Variants in NUP155 observed in about 807,000 individuals in gnomAD.
The protein encoded by NUP155 is nucleoporin 155.
NUP155 carries 71 observed loss-of-function variants against 180.4 expected under a neutral mutation model. The observed-to-expected ratio is 0.39, with a 90% CI of 0.33 to 0.48. The LOEUF (loss-of-function observed/expected upper bound fraction) is 0.48. NUP155 is among the 20% of genes least tolerant of loss of function. NUP155 has a pLI of 0.91. For missense variants in NUP155, 1,553 were observed against 1,648.9 expected (o/e 0.94, Z 1.01); for synonymous variants, 582 against 559.5 (o/e 1.04, Z -0.57).
In NUP155 at chr5:37,297,038, G is replaced by C. The variant is rs1008174021; in HGVS notation, c.3793+1830C>G. Among the ~76,000 whole-genome samples the C allele has an allele frequency of 1.3e-5, 2 of 152,172 alleles. 1 individual carries two copies. The highest frequency in any genetic ancestry group is 4.1e-4 in the South Asian group (2 of 4,824). On this transcript the variant is annotated intron_variant, in intron 32 of 34. Coordinates refer to ENST00000231498, the MANE Select transcript of NUP155 (RefSeq NM_153485.3). ...TTAAAAATACAAAAAAATTAGCTAG[G>C]TGTGGCTAATTCAAGACTAGCTTGG...
At position 37,352,759 on chromosome 5, in the gene NUP155, G is replaced by A. The variant is rs781672012; in HGVS notation, c.534C>T (p.Leu178=). Residue 178 remains leucine (L), a synonymous_variant, in exon 5 of 35, where the codon CTC becomes CTT. Coordinates refer to ENST00000231498, the MANE Select transcript of NUP155 (RefSeq NM_153485.3). ...ATPVDIVILG[L]SYANLQTGSG... ...TACCTGTTTGCAAATTAGCATAGCT[G>A]AGTCCAAGAATTACTATGTCTACAG... 1.9e-6 allele frequency: 3 copies of A among 1,613,168 alleles called. No homozygotes were observed. In the South Asian group the frequency reaches 3.3e-5, roughly 18 times the overall value.
intron 3 of NUP155, among the ~76,000 whole-genome samples, chr5:37,362,341 T>C (rs938820605): frequency 6.6e-6 from 1 of 151,352 alleles, no homozygotes; most frequent in Non-Finnish European, 1.5e-5. Context: ...CAGGCTGGAG[T>C]GCAATGGCGC....
chr5:37,369,640 C>G (rs1747834369), intron 1 of NUP155, among the ~76,000 whole-genome samples: 1 of 151,816 alleles, frequency 6.6e-6, no homozygotes, highest in Non-Finnish European at 1.5e-5. Context: ...ATAAGACACG[C>G]TCATTGGTAA....
intron 3 of NUP155, among the ~76,000 whole-genome samples, chr5:37,363,273 A>G (rs1747339538): frequency 6.6e-6 from 1 of 152,184 alleles, no homozygotes; most frequent in South Asian, 2.1e-4. Context: ...ACTCAGGAAC[A>G]AGAGTAACAT....
chr5:37,294,839 G>A (rs1392996213), intron 32 of NUP155, among the ~76,000 whole-genome samples: 2 of 152,106 alleles, frequency 1.3e-5, no homozygotes, highest in Admixed American at 1.3e-4. Flanking sequence ...AGGGCTGGAG[G>A]GTGTGAAGGA....
At chr5:37,294,597 G>GT (rs985816926) in intron 32 of NUP155, 132 bp from the exon 33 acceptor site, 78 of 810,564 alleles carry the variant, frequency 9.6e-5, no homozygotes, top group Middle Eastern at 3.6e-4. Context: ...GGGGCGGGGG[G>GT]TTTTTTTTGC....
rs772393691 is a variant in NUP155, at chr5:37,301,448, C to A, written c.3550G>T (p.Asp1184Tyr). The A allele has an allele frequency of 6.2e-7, 1 of 1,603,896 alleles. No individual in the cohort carries two copies. Among genetic ancestry groups the A allele is most frequent in the African/African-American group, 1.3e-5 (1 of 74,818 alleles). ...AVSQLDSELM[D>Y]ITKLYGEFAD... Reference sequence around the variant, plus strand: ...TGCTTTTTTATTACCTTAGTTATGTCCATCAGCTCAGAATCCAGCTGAGAA... The same window carrying A: ...TGCTTTTTTATTACCTTAGTTATGTACATCAGCTCAGAATCCAGCTGAGAA... The change falls in exon 30 of 35, where the codon GAC becomes TAC. Residue 1184 changes from aspartate to tyrosine, a missense_variant. Asp to Tyr is a radical substitution (Grantham distance 160). Transcript: ENST00000231498.
chr5:37,314,119 C>T, intron 22 of NUP155, 79 bp downstream of exon 22: 1 of 1,011,598 alleles, frequency 9.9e-7, no homozygotes, highest in South Asian at 1.5e-5. Flanking sequence ...AAAATAATCC[C>T]CTCCAAAGCC....
chr5:37,312,163 C>G (rs1000273888), intron 22 of NUP155, among the ~76,000 whole-genome samples: 1 of 152,116 alleles, frequency 6.6e-6, no homozygotes, highest in East Asian at 1.9e-4. Flanking sequence ...AGGCTTACTA[C>G]TTGAATCCAG....
chr5:37,332,613 G>A (rs1745052557), intron 13 of NUP155, among the ~76,000 whole-genome samples: 1 of 152,096 alleles, frequency 6.6e-6, no homozygotes, highest in Admixed American at 6.5e-5. Context: ...AAGCAACTAA[G>A]AGTGGATTCT....
intron 29 of NUP155, 86 bp from the exon 30 acceptor site, chr5:37,301,636 T>C: frequency 1.2e-6 from 1 of 825,258 alleles, no homozygotes; most frequent in Non-Finnish European, 2.1e-6. Flanking sequence ...TATCTGACTT[T>C]AAGTTTGCTA....
intron 34 of NUP155, 38 bp from the exon 35 acceptor site, chr5:37,292,076 C>A: frequency 6.2e-7 from 1 of 1,606,776 alleles, no homozygotes; most frequent in Non-Finnish European, 8.5e-7. Context: ...TATACATTTA[C>A]AAACATTTCC....
At chr5:37,358,174 A>G in intron 3 of NUP155, 23 bp from the exon 4 acceptor site, 1 of 1,551,904 alleles carries the variant, frequency 6.4e-7, no homozygotes, top group South Asian at 1.1e-5. Flanking sequence ...GAAGAAAAAC[A>G]TGTTACACAT....
chr5:37,299,668 TA>T, intron 30 of NUP155, 100 bp from the exon 31 acceptor site: 2 of 1,190,836 alleles, frequency 1.7e-6, no homozygotes, highest in Non-Finnish European at 2.5e-6. Context: ...CCAAAGATTT[TA>T]CATAAAGTTT....
At chr5:37,315,369 C>G (rs1743816526) in intron 21 of NUP155, among the ~76,000 whole-genome samples, 1 of 152,222 alleles carries the variant, frequency 6.6e-6, no homozygotes, top group Non-Finnish European at 1.5e-5. Flanking sequence ...TAACTTGTAT[C>G]TGGAATAACT....
At chr5:37,295,982 C>T (rs1332352402) in intron 32 of NUP155, among the ~76,000 whole-genome samples, 3 of 139,176 alleles carry the variant, frequency 2.2e-5, no homozygotes, top group East Asian at 2.2e-4. Flanking sequence ...CCCGGCCAGC[C>T]GCCCCATCCG....
rs1188768160 is a variant in NUP155 at position 37,337,858 on chromosome 5, T to C, written c.1307A>G (p.His436Arg). ...TGGCTTTTGGAAAGGAAAAGTATCATGGTTGACACACCATAAAATATCATT... is the reference window on the plus strand; with the variant it reads ...TGGCTTTTGGAAAGGAAAAGTATCACGGTTGACACACCATAAAATATCATT... Reference protein sequence around the residue: ...EDNDILWCVNHDTFPFQKPMM... With the variant: ...EDNDILWCVNRDTFPFQKPMM... The change falls in exon 12 of 35, where the codon CAT becomes CGT. Residue 436 changes from histidine (H) to arginine (R), a missense_variant. Physicochemically the swap from His to Arg is conservative, Grantham distance 29. Transcript: ENST00000231498. 3 of 1,612,766 alleles carry C rather than the reference T, an allele frequency of 1.9e-6. No homozygotes were observed. Among genetic ancestry groups the C allele is most frequent in the South Asian group, 1.1e-5 (1 of 90,782 alleles).
intron 32 of NUP155, among the ~76,000 whole-genome samples, chr5:37,296,936 G>A (rs1245518648): frequency 3.3e-5 from 5 of 151,970 alleles, no homozygotes; most frequent in Non-Finnish European, 7.4e-5. Context: ...CAGCACTATG[G>A]GAGGCCAAGG....
At position 37,367,980 on chromosome 5, in the gene NUP155, T is replaced by TA. The variant is rs529504428; in HGVS notation, c.157+2840dup. Among the ~76,000 whole-genome samples, 804 of 152,196 alleles carry TA rather than the reference T, an allele frequency of 5.3e-3. 10 individuals carry two copies. The highest frequency in any genetic ancestry group is 0.018 in the African/African-American group (766 of 41,508). On this transcript the variant is annotated intron_variant, in intron 1 of 34. Coordinates refer to ENST00000231498, the MANE Select transcript of NUP155 (RefSeq NM_153485.3). ...TGTATTTTTAGTAGAGACGGGGTTT[T>TA]ACCACGTTGGTCAGGCTGGTCTTGA...
Sources: gnomAD v4.1 joint callset for allele counts (sites outside exome capture counted in the v4.1 genomes callset) on GRCh38, gnomAD v4.1.1 for gene constraint, MANE v1.5 for transcripts, NCBI Gene and HGNC (gene_info 2026-07-23, HGNC 2026-07-21) for gene names.